CAPSL: variants seen among roughly 807,000 people sequenced by gnomAD.
The protein encoded by CAPSL is calcyphosine like.
Under a neutral mutation model 21.3 loss-of-function variants are expected in CAPSL, and 17 were observed. The observed-to-expected ratio is 0.80, with a 90% CI of 0.55 to 1.20. The LOEUF is 1.20. Ranked by LOEUF, CAPSL falls within the 50% of genes most tolerant of loss-of-function variation. CAPSL has a pLI of 0.00. For synonymous variants in CAPSL, 102 were observed against 89.3 expected, an observed-to-expected ratio of 1.14 and a Z score of -0.80; for missense variants, 289 against 259.3, an observed-to-expected ratio of 1.11 and a Z score of -0.79.
In CAPSL at chr5:35,930,359, T is replaced by G. The variant is rs75004612; in HGVS notation, c.-1+8182A>C. ...TGAATTCAGTCCTTATTTTAATGTT[T>G]GTGATATGGTACATTTTAAAAATAA... is the stretch of plus-strand genomic sequence containing the variant. On this transcript the variant is annotated intron_variant, in intron 1 of 4. Transcript: ENST00000651391. 6.0e-3 allele frequency among the ~76,000 whole-genome samples: 913 copies of G among 152,378 alleles called. 19 individuals are homozygous for G. The highest frequency in any genetic ancestry group is 0.055 in the East Asian group (287 of 5,194).
At chr5:35,914,486 G>A (rs1738317558) in intron 2 of CAPSL, among the ~76,000 whole-genome samples, 1 of 152,034 alleles carries the variant, frequency 6.6e-6, no homozygotes, top group Non-Finnish European at 1.5e-5. Context: ...AAATGTAAAA[G>A]AACAGAAATT....
chr5:35,911,904 G>A (rs886498030), intron 2 of CAPSL, among the ~76,000 whole-genome samples: 1 of 152,178 alleles, frequency 6.6e-6, no homozygotes, highest in African/African-American at 2.4e-5. Flanking sequence ...AGCTGAAGCA[G>A]GGCAAGGCAT....
At chr5:35,910,328 C>T in intron 3 of CAPSL, 38 bp downstream of exon 3, 1 of 1,592,022 alleles carries the variant, frequency 6.3e-7, no homozygotes, top group South Asian at 1.1e-5. Flanking sequence ...ACGTGAAAGC[C>T]AAACTCAGCA....
At chr5:35,937,454 A>G (rs1314916070) in intron 1 of CAPSL, among the ~76,000 whole-genome samples, 1 of 152,174 alleles carries the variant, frequency 6.6e-6, no homozygotes, top group Non-Finnish European at 1.5e-5. Flanking sequence ...GCCTTTGTAC[A>G]TGTAGTCACA....
intron 1 of CAPSL, among the ~76,000 whole-genome samples, chr5:35,933,344 T>A (rs1339578623): frequency 6.6e-6 from 1 of 152,186 alleles, no homozygotes; most frequent in Non-Finnish European, 1.5e-5. Flanking sequence ...CATAGCTATA[T>A]CCACTTTTTA....
intron 1 of CAPSL, among the ~76,000 whole-genome samples, chr5:35,921,748 G>A (rs1738543619): frequency 6.6e-6 from 1 of 152,136 alleles, no homozygotes; most frequent in Non-Finnish European, 1.5e-5. Context: ...ACAACAGTGG[G>A]AAGAGCACTT....
In CAPSL at chr5:35,910,512, G is replaced by C. The variant is rs202156612; in HGVS notation, c.169C>G (p.Arg57Gly). Residue 57 changes from arginine to glycine, a missense_variant, in exon 3 of 5, where the codon CGA becomes GGA. Transcript: ENST00000651391. ...VFRIMDDDNN[R>G]TLDFKEFMKG... ...ATAAATTCTTTAAAATCAAGGGTTC[G>C]ATTATTATCGTCATCCATAATTCTA... 362 of 1,607,714 alleles carry C rather than the reference G, an allele frequency of 2.3e-4. 1 individual carries two copies. The Admixed American group carries it at 5.6e-3, about 25-fold the overall frequency.
intron 1 of CAPSL, among the ~76,000 whole-genome samples, chr5:35,923,282 G>C (rs1260811638): frequency 1.3e-5 from 2 of 152,132 alleles, no homozygotes; most frequent in African/African-American, 4.8e-5. Flanking sequence ...GTGAGATCCA[G>C]CTCCTGGATC....
intron 1 of CAPSL, among the ~76,000 whole-genome samples, chr5:35,927,111 G>C (rs1354272236): frequency 6.6e-6 from 1 of 152,192 alleles, no homozygotes; most frequent in South Asian, 2.1e-4. Context: ...ATGTGCAGTC[G>C]CGATGGCTGG....
intron 2 of CAPSL, among the ~76,000 whole-genome samples, chr5:35,919,170 A>AAAAATATATATATATAT (rs754098152): frequency 2.5e-5 from 3 of 121,272 alleles, no homozygotes; most frequent in South Asian, 2.6e-4. Context: ...TAAAAAAAAA[A>AAAAATATATATATATAT]ATATATATAT....
At chr5:35,929,427 G>A (rs1738766514) in intron 1 of CAPSL, among the ~76,000 whole-genome samples, 2 of 151,962 alleles carry the variant, frequency 1.3e-5, no homozygotes, top group South Asian at 4.2e-4. Flanking sequence ...CGAGTAGCTA[G>A]GAATACAGGC....
At chr5:35,929,954 G>A (rs1738780225) in intron 1 of CAPSL, among the ~76,000 whole-genome samples, 1 of 152,180 alleles carries the variant, frequency 6.6e-6, no homozygotes. Context: ...TAATTAAAAT[G>A]ATGTGTGAGG....
At chr5:35,934,207 G>A (rs1488919363) in intron 1 of CAPSL, among the ~76,000 whole-genome samples, 1 of 152,212 alleles carries the variant, frequency 6.6e-6, no homozygotes, top group Non-Finnish European at 1.5e-5. Flanking sequence ...AGCCAAAAGT[G>A]TTATTCCACG....
intron 2 of CAPSL, among the ~76,000 whole-genome samples, chr5:35,918,817 T>C (rs2149923956): frequency 6.6e-6 from 1 of 152,184 alleles, no homozygotes; most frequent in African/African-American, 2.4e-5. Context: ...ATTGGAGGAC[T>C]GAAAACTTAG....
At chr5:35,925,319 G>C (rs938467113) in intron 1 of CAPSL, among the ~76,000 whole-genome samples, 1 of 152,228 alleles carries the variant, frequency 6.6e-6, no homozygotes, top group African/African-American at 2.4e-5. Flanking sequence ...CTCAGAGGAG[G>C]TGATGTCTAA....
At chr5:35,914,972 T>C (rs973610842) in intron 2 of CAPSL, among the ~76,000 whole-genome samples, 1 of 151,456 alleles carries the variant, frequency 6.6e-6, no homozygotes, top group Non-Finnish European at 1.5e-5. Flanking sequence ...GCAAGACTAA[T>C]AAAGAAGAAA....
intron 1 of CAPSL, among the ~76,000 whole-genome samples, chr5:35,927,490 A>T (rs1450931749): frequency 6.6e-6 from 1 of 152,218 alleles, no homozygotes; most frequent in Admixed American, 6.5e-5. Flanking sequence ...GCAGCTGTTG[A>T]TGAGGCTTGT....
At chr5:35,922,877 A>T (rs1296908613) in intron 1 of CAPSL, among the ~76,000 whole-genome samples, 1 of 152,090 alleles carries the variant, frequency 6.6e-6, no homozygotes, top group Admixed American at 6.5e-5. Context: ...CAAGACCACC[A>T]ATTCACTCAT....
At chr5:35,917,712 G>C (rs1273968487) in intron 2 of CAPSL, among the ~76,000 whole-genome samples, 1 of 152,122 alleles carries the variant, frequency 6.6e-6, no homozygotes, top group African/African-American at 2.4e-5. Context: ...ACCGGTGCCT[G>C]TTGTGGGGTG....
Sources: gnomAD v4.1 joint callset for allele counts (sites outside exome capture counted in the v4.1 genomes callset) on GRCh38, gnomAD v4.1.1 for gene constraint, MANE v1.5 for transcripts, NCBI Gene and HGNC (gene_info 2026-07-23, HGNC 2026-07-21) for gene names.